TRPC7: variants seen among roughly 807,000 people sequenced by gnomAD.
The protein encoded by TRPC7 is short transient receptor potential channel 7.
Under a neutral mutation model 90.1 loss-of-function variants are expected in TRPC7, and 42 were observed. The observed-to-expected ratio is 0.47, with a 90% CI of 0.36 to 0.60. The LOEUF (loss-of-function observed/expected upper bound fraction) is 0.60. Ranked by LOEUF, TRPC7 falls within the 20% of genes least tolerant of loss-of-function variation. The pLI, the probability that TRPC7 is intolerant of heterozygous loss-of-function variation, is 0.00. For missense variants in TRPC7, 955 were observed against 1,112.3 expected, an observed-to-expected ratio of 0.86 and a Z score of 2.01; for synonymous variants, 451 against 436.3, an observed-to-expected ratio of 1.03 and a Z score of -0.42.
At chr5:136,263,319 A>C (rs528092215) in intron 5 of TRPC7, among the ~76,000 whole-genome samples, 4 of 152,340 alleles carry the variant, frequency 2.6e-5, no homozygotes, top group Admixed American at 2.0e-4. Context: ...CAAACTCATC[A>C]CAAGTGGCAT....
At chr5:136,251,999 C>G in intron 5 of TRPC7, 117 bp from the exon 6 acceptor site, 1 of 771,096 alleles carries the variant, frequency 1.3e-6, no homozygotes, top group Non-Finnish European at 2.1e-6. Flanking sequence ...GGAGCTGGGA[C>G]CGTCGATAGC....
At chr5:136,357,600 C>CGTCTGAGTCATATGTCTA in intron 1 of TRPC7, among the ~76,000 whole-genome samples, 1 of 152,102 alleles carries the variant, frequency 6.6e-6, no homozygotes, top group Non-Finnish European at 1.5e-5. Flanking sequence ...CAGTTGTCTG[C>CGTCTGAGTCATATGTCTA]CTCTATACTC....
At chr5:136,321,477 G>A (rs956840734) in intron 2 of TRPC7, among the ~76,000 whole-genome samples, 5 of 152,096 alleles carry the variant, frequency 3.3e-5, no homozygotes, top group African/African-American at 9.7e-5. Context: ...CTTTCCATCT[G>A]TACTAAGGTA....
At chr5:136,348,182 C>T (rs1417566335) in intron 2 of TRPC7, among the ~76,000 whole-genome samples, 7 of 152,214 alleles carry the variant, frequency 4.6e-5, no homozygotes, top group African/African-American at 1.7e-4. Context: ...GATGCCTCAC[C>T]ATTCACCCTA....
At chr5:136,294,597 C>T (rs1758094454) in intron 3 of TRPC7, among the ~76,000 whole-genome samples, 1 of 152,106 alleles carries the variant, frequency 6.6e-6, no homozygotes, top group African/African-American at 2.4e-5. Context: ...GAGATACCAT[C>T]TCACACCAGT....
intron 4 of TRPC7, among the ~76,000 whole-genome samples, chr5:136,267,767 G>C (rs548884312): frequency 6.6e-6 from 1 of 152,044 alleles, no homozygotes; most frequent in Non-Finnish European, 1.5e-5. Context: ...TAAAAATCTA[G>C]GTTTTAAAAA....
At chr5:136,301,332 ATTTTTTT>A (rs368799815) in intron 3 of TRPC7, among the ~76,000 whole-genome samples, 11 of 85,696 alleles carry the variant, frequency 1.3e-4, no homozygotes, top group East Asian at 4.1e-4. Flanking sequence ...CAGCCCAGGC[ATTTTTTT>A]TTTTTTTTTT....
intron 2 of TRPC7, among the ~76,000 whole-genome samples, chr5:136,319,748 C>T (rs1307504495): frequency 6.6e-6 from 1 of 152,116 alleles, no homozygotes; most frequent in Non-Finnish European, 1.5e-5. Context: ...TGGCTGATCA[C>T]TTCCTTCTCC....
chr5:136,263,215 T>C (rs1756914498), intron 5 of TRPC7, among the ~76,000 whole-genome samples: 1 of 152,198 alleles, frequency 6.6e-6, no homozygotes, highest in African/African-American at 2.4e-5. Flanking sequence ...GGGCATTCAA[T>C]AGAGACCCCA....
At chr5:136,364,555 T>C (rs1224961700) in intron 1 of TRPC7, among the ~76,000 whole-genome samples, 1 of 152,184 alleles carries the variant, frequency 6.6e-6, no homozygotes, top group African/African-American at 2.4e-5. Context: ...CATTATTGCC[T>C]TTTCTGAGTC....
rs186136412 is a variant in TRPC7, at chr5:136,328,588, A to G, written c.781-12809T>C. 1.7e-4 allele frequency among the ~76,000 whole-genome samples: 26 copies of G among 152,272 alleles called. No individual in the cohort carries two copies. The Middle Eastern group carries it at 0.014, about 80-fold the overall frequency. On this transcript the variant is annotated intron_variant, in intron 2 of 11. Coordinates refer to ENST00000513104, the MANE Select transcript of TRPC7 (RefSeq NM_020389.3). ...ATGGCTGTATGATTTTGAGTGTATA[A>G]CTTAATCTCTCTGTGTGCTCTAATT...
intron 7 of TRPC7, among the ~76,000 whole-genome samples, chr5:136,236,103 T>C (rs907363498): frequency 4.6e-5 from 7 of 152,236 alleles, no homozygotes; most frequent in Non-Finnish European, 8.8e-5. Context: ...TTTTGATTCA[T>C]ATATTTATTG....
intron 2 of TRPC7, among the ~76,000 whole-genome samples, chr5:136,341,498 T>C: frequency 6.6e-6 from 1 of 152,172 alleles, no homozygotes; most frequent in South Asian, 2.1e-4. Flanking sequence ...CACACCTATG[T>C]ATAAATAAAA....
At chr5:136,320,367 T>C (rs984629953) in intron 2 of TRPC7, among the ~76,000 whole-genome samples, 16 of 152,176 alleles carry the variant, frequency 1.1e-4, no homozygotes, top group Admixed American at 6.5e-5. Flanking sequence ...TCTCTCCGAC[T>C]CTGTCCTTGT....
intron 4 of TRPC7, among the ~76,000 whole-genome samples, chr5:136,271,827 C>T (rs1467995635): frequency 5.3e-5 from 8 of 152,188 alleles, no homozygotes; most frequent in Admixed American, 3.9e-4. Flanking sequence ...CTTCTGTTGA[C>T]ACCTTTCACC....
chr5:136,235,595 G>A (rs1755957577), intron 7 of TRPC7, among the ~76,000 whole-genome samples: 1 of 152,172 alleles, frequency 6.6e-6, no homozygotes, highest in Non-Finnish European at 1.5e-5. Context: ...CAATTTTCAT[G>A]AGCTCTGGAA....
At chr5:136,348,171 C>T (rs1475781729) in intron 2 of TRPC7, among the ~76,000 whole-genome samples, 1 of 152,186 alleles carries the variant, frequency 6.6e-6, no homozygotes, top group Non-Finnish European at 1.5e-5. Context: ...TGAAAACATC[C>T]GATGCCTCAC....
intron 7 of TRPC7, among the ~76,000 whole-genome samples, chr5:136,232,000 C>A (rs1218393855): frequency 2.0e-5 from 3 of 152,086 alleles, no homozygotes; most frequent in African/African-American, 7.2e-5. Context: ...GTTGGTGATG[C>A]CTGCATTCTG....
intron 3 of TRPC7, among the ~76,000 whole-genome samples, chr5:136,301,968 C>G (rs1486519952): frequency 6.6e-6 from 1 of 152,232 alleles, no homozygotes; most frequent in African/African-American, 2.4e-5. Context: ...AACATCTCAC[C>G]AATTTCAAAT....
Sources: gnomAD v4.1 joint callset for allele counts (sites outside exome capture counted in the v4.1 genomes callset) on GRCh38, gnomAD v4.1.1 for gene constraint, MANE v1.5 for transcripts, NCBI Gene and HGNC (gene_info 2026-07-23, HGNC 2026-07-21) for gene names.